Variants in SPTLC3 observed in about 807,000 individuals in gnomAD.
SPTLC3 encodes serine palmitoyltransferase long chain base subunit 3.
In SPTLC3, 36 loss-of-function variants were observed where a neutral mutation model predicts 59.3. That is an observed-to-expected ratio of 0.61 (90% CI 0.47 to 0.80). The LOEUF (loss-of-function observed/expected upper bound fraction) is 0.80. Ranked by LOEUF, SPTLC3 falls within the 30% of genes least tolerant of loss-of-function variation. The probability of loss-of-function intolerance (pLI) is 0.00; values close to 1 mark genes in which losing one functional copy is unlikely to be tolerated. For missense variants in SPTLC3, 625 were observed against 685.1 expected (o/e 0.91, Z 0.98); for synonymous variants, 257 against 240.8 (o/e 1.07, Z -0.62).
intron 1 of SPTLC3, among the ~76,000 whole-genome samples, chr20:13,029,160 GC>G (rs905376991): frequency 4.6e-5 from 7 of 152,126 alleles, no homozygotes; most frequent in Admixed American, 1.3e-4. Context: ...GGAGGGGCTG[GC>G]CTTTTCTTTA....
At chr20:13,127,549 A>T (rs1360849428) in intron 9 of SPTLC3, among the ~76,000 whole-genome samples, 1 of 152,210 alleles carries the variant, frequency 6.6e-6, no homozygotes, top group Non-Finnish European at 1.5e-5. Flanking sequence ...GTACTCCATC[A>T]GTTTTCAATA....
intron 9 of SPTLC3, among the ~76,000 whole-genome samples, chr20:13,133,963 A>AAGCTGGGTACTC (rs1347715953): frequency 6.6e-6 from 1 of 152,218 alleles, no homozygotes; most frequent in African/African-American, 2.4e-5. Context: ...CCCACTGGAC[A>AAGCTGGGTACTC]AGCTGGGTAC....
intron 7 of SPTLC3, among the ~76,000 whole-genome samples, chr20:13,113,992 G>A (rs538902662): frequency 1.8e-4 from 28 of 152,178 alleles, no homozygotes; most frequent in South Asian, 8.3e-4. Context: ...TTGAGGCTCC[G>A]AGGCTTAGAT....
At chr20:13,037,445 G>C (rs187289338) in intron 1 of SPTLC3, among the ~76,000 whole-genome samples, 32 of 152,300 alleles carry the variant, frequency 2.1e-4, no homozygotes, top group Admixed American at 1.4e-3. Context: ...TTTGAAAGGA[G>C]AATTTGTGAT....
chr20:13,131,852 T>C (rs941481661), intron 9 of SPTLC3, among the ~76,000 whole-genome samples: 6 of 152,170 alleles, frequency 3.9e-5, no homozygotes, highest in South Asian at 2.1e-4. Flanking sequence ...CTGTCGTCTT[T>C]TCAGCTTACT....
intron 10 of SPTLC3, among the ~76,000 whole-genome samples, chr20:13,155,841 T>A (rs546138995): frequency 6.6e-6 from 1 of 151,964 alleles, no homozygotes; most frequent in Admixed American, 6.6e-5. Flanking sequence ...ATAATAATAA[T>A]AATAAGTTTT....
intron 1 of SPTLC3, among the ~76,000 whole-genome samples, chr20:13,018,878 C>T (rs942514927): frequency 6.6e-6 from 1 of 152,120 alleles, no homozygotes; most frequent in African/African-American, 2.4e-5. Context: ...AAATTTACGA[C>T]AGAAAGATCT....
intron 1 of SPTLC3, among the ~76,000 whole-genome samples, chr20:13,018,542 G>A (rs1018087056): frequency 2.6e-5 from 4 of 152,148 alleles, no homozygotes; most frequent in South Asian, 4.1e-4. Context: ...TTAACCCTTA[G>A]GAGGTCTGTA....
At chr20:13,116,147 C>T (rs775052159) in intron 7 of SPTLC3, among the ~76,000 whole-genome samples, 40 of 151,864 alleles carry the variant, frequency 2.6e-4, no homozygotes, top group Middle Eastern at 3.4e-3. Flanking sequence ...AACCAACACC[C>T]GTTGGTCTGG....
chr20:13,070,485 C>T (rs531586248), intron 2 of SPTLC3, among the ~76,000 whole-genome samples: 4 of 152,192 alleles, frequency 2.6e-5, no homozygotes, highest in South Asian at 4.1e-4. Context: ...CGGTAGCATA[C>T]GGTCATCCAC....
At position 13,093,602 on chromosome 20, in the gene SPTLC3, C is replaced by A. The variant is rs201189164; in HGVS notation, c.826+25C>A. On this transcript the variant is annotated intron_variant, in intron 6 of 11. Transcript: ENST00000399002. ...AGTGAGTATCAGTGTATTTTCTCAA[C>A]ATGTACTGGATTGCTCCTAGAAGAA... 2.5e-6 allele frequency: 4 copies of A among 1,594,070 alleles called. No individual in the cohort carries two copies. In the East Asian group the frequency reaches 8.9e-5, roughly 36 times the overall value.
chr20:13,059,006 A>G (rs1987839986), intron 2 of SPTLC3, among the ~76,000 whole-genome samples: 2 of 152,210 alleles, frequency 1.3e-5, no homozygotes, highest in South Asian at 4.1e-4. Context: ...CAGAGGGAAG[A>G]CAATGGGGCT....
intron 9 of SPTLC3, among the ~76,000 whole-genome samples, chr20:13,140,414 C>T (rs1388177056): frequency 1.3e-5 from 2 of 152,082 alleles, no homozygotes; most frequent in Admixed American, 6.5e-5. Context: ...CACATTGGCA[C>T]CCAGCCCTTG....
At chr20:13,116,831 A>C (rs1990584959) in intron 7 of SPTLC3, among the ~76,000 whole-genome samples, 2 of 152,222 alleles carry the variant, frequency 1.3e-5, no homozygotes, top group African/African-American at 4.8e-5. Flanking sequence ...CGACTGAATC[A>C]GAAACTCTGG....
chr20:13,146,894 G>C (rs1316134166), intron 9 of SPTLC3, among the ~76,000 whole-genome samples: 1 of 152,154 alleles, frequency 6.6e-6, no homozygotes, highest in East Asian at 1.9e-4. Flanking sequence ...CCAATTTCCA[G>C]GTCAGCTGCG....
At chr20:13,132,470 C>T (rs1415895907) in intron 9 of SPTLC3, among the ~76,000 whole-genome samples, 1 of 152,098 alleles carries the variant, frequency 6.6e-6, no homozygotes, top group Non-Finnish European at 1.5e-5. Flanking sequence ...AGGACCGCAC[C>T]CAGCCGCTTT....
intron 3 of SPTLC3, chr20:13,073,645 T>C (rs1385175506): frequency 3.2e-6 from 1 of 313,236 alleles, no homozygotes; most frequent in Non-Finnish European, 6.3e-6. Flanking sequence ...TGGTAGAGCA[T>C]CAGGGAATGA....
intron 9 of SPTLC3, among the ~76,000 whole-genome samples, chr20:13,134,130 A>G (rs2038189257): frequency 1.3e-5 from 2 of 152,212 alleles, no homozygotes; most frequent in East Asian, 1.9e-4. Flanking sequence ...CAGCTACCAT[A>G]TAACAATCCA....
intron 3 of SPTLC3, among the ~76,000 whole-genome samples, chr20:13,072,735 C>A (rs548477292): frequency 6.6e-6 from 1 of 152,158 alleles, no homozygotes; most frequent in Non-Finnish European, 1.5e-5. Context: ...ACAGTGATGA[C>A]CATGGTTCTT....
Sources: allele counts gnomAD v4.1 joint callset (sites outside exome capture counted in the v4.1 genomes callset), GRCh38; gene constraint gnomAD v4.1.1; transcripts MANE v1.5; gene names NCBI Gene and HGNC (gene_info 2026-07-23, HGNC 2026-07-21).